HSF2BP: variants seen among roughly 807,000 people sequenced by gnomAD.
HSF2BP encodes heat shock factor 2-binding protein.
A neutral mutation model predicts 35.0 loss-of-function variants in HSF2BP; 35 were observed. That is an observed-to-expected ratio of 1.00 (90% CI 0.76 to 1.32). The LOEUF (loss-of-function observed/expected upper bound fraction) is 1.32. Among genes scored for constraint, HSF2BP ranks in the 40% most tolerant of loss-of-function variants. HSF2BP has a pLI of 0.00. For synonymous variants in HSF2BP, 114 were observed against 117.4 expected (o/e 0.97, Z 0.18); for missense variants, 326 against 321.7 (o/e 1.01, Z -0.10).
intron 4 of HSF2BP, among the ~76,000 whole-genome samples, chr21:43,639,019 T>C (rs969601941): frequency 6.6e-6 from 1 of 152,172 alleles, no homozygotes; most frequent in Non-Finnish European, 1.5e-5. Context: ...ATTTTGACAA[T>C]GGTGCAAAAG....
At chr21:43,583,055 A>T (rs1164390236) in intron 8 of HSF2BP, among the ~76,000 whole-genome samples, 1 of 15,006 alleles carries the variant, frequency 6.7e-5, no homozygotes, top group South Asian at 5.7e-3. Flanking sequence ...GGACCTGCTG[A>T]GGGAGATGAG....
chr21:43,643,591 C>A (rs2082668018), intron 4 of HSF2BP, among the ~76,000 whole-genome samples: 1 of 152,186 alleles, frequency 6.6e-6, no homozygotes, highest in African/African-American at 2.4e-5. Context: ...GAGGCCCTCA[C>A]CAGAAAAAGA....
chr21:43,622,116 T>C (rs1186153562), intron 6 of HSF2BP, among the ~76,000 whole-genome samples: 1 of 152,196 alleles, frequency 6.6e-6, no homozygotes, highest in Non-Finnish European at 1.5e-5. Flanking sequence ...AATAACCTGT[T>C]ATATCTAAAG....
chr21:43,658,931 A>G (rs2082923164), intron 1 of HSF2BP, among the ~76,000 whole-genome samples: 1 of 152,200 alleles, frequency 6.6e-6, no homozygotes, highest in Non-Finnish European at 1.5e-5. Flanking sequence ...GGGGCTCCAC[A>G]GTTAAAAACT....
chr21:43,577,676 G>A (rs1267209287), intron 8 of HSF2BP, among the ~76,000 whole-genome samples: 2 of 152,170 alleles, frequency 1.3e-5, no homozygotes, highest in Admixed American at 6.5e-5. Flanking sequence ...CCCAAGCTAA[G>A]CCATCATATC....
intron 3 of HSF2BP, among the ~76,000 whole-genome samples, chr21:43,653,214 AGG>A (rs2082817609): frequency 1.9e-5 from 2 of 105,978 alleles, no homozygotes; most frequent in Admixed American, 2.4e-4. Context: ...AGGGAAGGGA[AGG>A]GGAAGGGAAG....
intron 8 of HSF2BP, among the ~76,000 whole-genome samples, chr21:43,575,282 G>A (rs1447548436): frequency 2.0e-5 from 3 of 152,210 alleles, no homozygotes; most frequent in Non-Finnish European, 2.9e-5. Context: ...TCGAGGTGAC[G>A]CAGCCTCATC....
chr21:43,636,538 T>C (rs2147042965), intron 4 of HSF2BP, among the ~76,000 whole-genome samples: 1 of 152,332 alleles, frequency 6.6e-6, no homozygotes, highest in Non-Finnish European at 1.5e-5. Context: ...ATTAAAGAAT[T>C]CTTACACATC....
At chr21:43,656,039 C>T (rs2082863467) in intron 3 of HSF2BP, among the ~76,000 whole-genome samples, 2 of 152,196 alleles carry the variant, frequency 1.3e-5, no homozygotes, top group South Asian at 4.1e-4. Flanking sequence ...CAAGCAAGTG[C>T]TGAGACAATC....
rs2081661948 is a variant in HSF2BP, at chr21:43,577,739, CAAA to C, written c.796+14483_796+14485del. Among the ~76,000 whole-genome samples, 4 of 152,296 alleles carry C rather than the reference CAAA, an allele frequency of 2.6e-5. No individual in the cohort carries two copies. In the South Asian group the frequency reaches 6.2e-4, roughly 24 times the overall value. On this transcript the variant is annotated intron_variant, in intron 8 of 8. Transcript: ENST00000291560. The stretch of plus-strand genomic sequence containing the variant: ...ATGGCCTGAAGCAACTGAAGATCCA[CAAA>C]AGAAGTGAAAATAGCCAGGTCCTGC...
chr21:43,584,702 C>A (rs1185972782), intron 8 of HSF2BP, among the ~76,000 whole-genome samples: 1 of 152,200 alleles, frequency 6.6e-6, no homozygotes, highest in African/African-American at 2.4e-5. Flanking sequence ...GATTTTCCCC[C>A]CACTACACTC....
intron 7 of HSF2BP, among the ~76,000 whole-genome samples, chr21:43,603,962 G>C (rs1387385711): frequency 2.6e-5 from 4 of 152,162 alleles, no homozygotes; most frequent in Non-Finnish European, 5.9e-5. Context: ...AGGGCCCACA[G>C]GGATTTCTGG....
chr21:43,657,610 G>A (rs986613835), intron 2 of HSF2BP, among the ~76,000 whole-genome samples: 1 of 152,246 alleles, frequency 6.6e-6, no homozygotes, highest in Non-Finnish European at 1.5e-5. Flanking sequence ...AGCAGGATGT[G>A]AACACGGATC....
chr21:43,535,744 TAAAATAAAATAATAA>T lies in HSF2BP; in HGVS notation c.797-5797_797-5783del, dbSNP rs1569047131. On this transcript the variant is annotated intron_variant, in intron 8 of 8. Coordinates refer to ENST00000291560, the MANE Select transcript of HSF2BP (RefSeq NM_007031.2). ...TAAAATAAAATAAAATAAAATAAAATAAAATAAAATAATAAAATAAAATAAAATAAAATAAAATAA... is the reference window on the plus strand; with the variant it reads ...TAAAATAAAATAAAATAAAATAAAATAATAAAATAAAATAAAATAAAATAA... Among the ~76,000 whole-genome samples the T allele has an allele frequency of 9.5e-4, 4 of 4,232 alleles. 2 individuals carry two copies. The highest frequency in any genetic ancestry group is 4.3e-3 in the Admixed American group (2 of 464). The allele number at this position is 4,232 out of a possible 152,430, so 2.8% of individuals were successfully genotyped here.
chr21:43,576,818 ATCC>A (rs1204461919), intron 8 of HSF2BP, among the ~76,000 whole-genome samples: 3 of 152,230 alleles, frequency 2.0e-5, no homozygotes, highest in Non-Finnish European at 4.4e-5. Flanking sequence ...GCTCACAGAC[ATCC>A]TCAATTCCCA....
intron 4 of HSF2BP, among the ~76,000 whole-genome samples, chr21:43,640,403 G>A (rs1424229366): frequency 1.3e-5 from 2 of 152,268 alleles, no homozygotes; most frequent in Non-Finnish European, 2.9e-5. Context: ...GGGCAAGGCA[G>A]AGGGAATGGG....
chr21:43,645,726 A>T (rs997957017), intron 3 of HSF2BP, among the ~76,000 whole-genome samples: 1 of 152,178 alleles, frequency 6.6e-6, no homozygotes, highest in African/African-American at 2.4e-5. Context: ...CCTAGAGGAG[A>T]AAAAGCTCAC....
At chr21:43,644,483 G>T in intron 3 of HSF2BP, 91 bp from the exon 4 acceptor site, 1 of 916,314 alleles carries the variant, frequency 1.1e-6, no homozygotes, top group Non-Finnish European at 1.8e-6. Flanking sequence ...TTAGTAAAAT[G>T]TGTACTGATT....
intron 7 of HSF2BP, among the ~76,000 whole-genome samples, chr21:43,611,765 C>T (rs766045842): frequency 9.2e-5 from 14 of 152,320 alleles, no homozygotes; most frequent in Non-Finnish European, 1.5e-4. Flanking sequence ...CAACTCCTGC[C>T]GCAGGGCGGG....
Sources: allele counts gnomAD v4.1 joint callset (sites outside exome capture counted in the v4.1 genomes callset), GRCh38; gene constraint gnomAD v4.1.1; transcripts MANE v1.5; gene names NCBI Gene and HGNC (gene_info 2026-07-23, HGNC 2026-07-21).